The following NTN1 variants were observed in gnomAD, a reference collection of about 807,000 sequenced individuals.
NTN1 encodes netrin-1.
Under a neutral mutation model 54.2 loss-of-function variants are expected in NTN1, and 11 were observed. That is an observed-to-expected ratio of 0.20 (90% CI 0.13 to 0.34). The LOEUF (loss-of-function observed/expected upper bound fraction) is 0.34. NTN1 is among the 10% of genes least tolerant of loss of function. The probability of loss-of-function intolerance (pLI) is 1.00; values close to 1 mark genes in which losing one functional copy is unlikely to be tolerated. For missense variants in NTN1, 740 were observed against 893.1 expected, an observed-to-expected ratio of 0.83 and a Z score of 2.18; for synonymous variants, 371 against 382.0, an observed-to-expected ratio of 0.97 and a Z score of 0.33.
chr17:9,088,677 C>A (rs1361887741), intron 2 of NTN1, among the ~76,000 whole-genome samples: 1 of 152,122 alleles, frequency 6.6e-6, no homozygotes, highest in Non-Finnish European at 1.5e-5. Flanking sequence ...AGGATTTTTC[C>A]GCTTCAATTA....
chr17:9,094,069 T>A (rs946387936), intron 2 of NTN1, among the ~76,000 whole-genome samples: 1 of 152,234 alleles, frequency 6.6e-6, no homozygotes, highest in African/African-American at 2.4e-5. Flanking sequence ...CATTTTGTTA[T>A]ATACACTTCT....
intron 2 of NTN1, among the ~76,000 whole-genome samples, chr17:9,159,657 C>T (rs986683741): frequency 9.9e-5 from 15 of 151,842 alleles, no homozygotes; most frequent in South Asian, 4.2e-4. Context: ...AAAAATTAGC[C>T]GGGTGTGGTG....
At chr17:9,017,504 G>A (rs960051970), upstream of NTN1, among the ~76,000 whole-genome samples, 17 of 152,114 alleles carry the variant, frequency 1.1e-4, no homozygotes, top group South Asian at 4.1e-4. Context: ...TATAACACCC[G>A]AGTCCCCTGG....
At chr17:9,018,568 A>G (rs2091836619), upstream of NTN1, among the ~76,000 whole-genome samples, 1 of 145,632 alleles carries the variant, frequency 6.9e-6, no homozygotes, top group South Asian at 2.3e-4. Flanking sequence ...CGGGAGGCAG[A>G]GGTTGAGAAT....
At chr17:9,162,356 T>C (rs967636785) in intron 2 of NTN1, among the ~76,000 whole-genome samples, 1 of 152,194 alleles carries the variant, frequency 6.6e-6, no homozygotes, top group African/African-American at 2.4e-5. Context: ...GTTGGCAGGG[T>C]TGGTTGCTCT....
intron 2 of NTN1, 139 bp downstream of exon 2, chr17:9,023,530 G>T (rs904250402): frequency 1.8e-6 from 2 of 1,106,040 alleles, no homozygotes; most frequent in Non-Finnish European, 2.4e-6. Context: ...GGACCCGGGA[G>T]GGCTCAGAGC....
chr17:9,028,280 C>T (rs7212705), intron 2 of NTN1, among the ~76,000 whole-genome samples: 34,828 of 152,056 alleles, frequency 0.23, 4,640 homozygotes, highest in African/African-American at 0.37. Flanking sequence ...GGTGTGGTGC[C>T]GCTAGGTACA....
At position 9,239,694 on chromosome 17, in the gene NTN1, C is replaced by T. The variant is rs1349460578; in HGVS notation, c.1541C>T (p.Thr514Met). 3 of 1,613,108 alleles carry T rather than the reference C, an allele frequency of 1.9e-6. No individual in the cohort carries two copies. Among genetic ancestry groups the T allele is most frequent in the Non-Finnish European group, 2.5e-6 (3 of 1,179,558 alleles). The change falls in exon 7 of 7, where the codon ACG (threonine) becomes ATG (methionine). Residue 514 changes from threonine (T) to methionine (M), a missense_variant. Physicochemically the swap from Thr to Met is moderately conservative, Grantham distance 81 (BLOSUM62 -1). Transcript: ENST00000173229. The surrounding 1 kb of genome is among the most constrained non-coding windows in gnomAD (Gnocchi z 5.2). The stretch of plus-strand genomic sequence containing the variant: ...AAGGCGGGGGACTGGTGGAAGTTCA[C>T]GGTGAACATCATCTCCGTGTATAAG... ...ADKAGDWWKF[T>M]VNIISVYKQG...
chr17:9,054,280 G>A (rs1012780582), intron 2 of NTN1, among the ~76,000 whole-genome samples: 2 of 152,316 alleles, frequency 1.3e-5, no homozygotes, highest in East Asian at 1.9e-4. Context: ...TCCCCGAAGA[G>A]CCGAGATGTT....
intron 3 of NTN1, among the ~76,000 whole-genome samples, chr17:9,166,149 T>TCCACCACCACCACCACCACCA (rs60014697): frequency 9.0e-6 from 1 of 111,352 alleles, no homozygotes; most frequent in African/African-American, 3.6e-5. Context: ...TCAACCCCCT[T>TCCACCACCACCACCACCACCA]CCACCACCAC....
upstream of NTN1, among the ~76,000 whole-genome samples, chr17:9,018,434 C>T (rs548170062): frequency 4.6e-4 from 70 of 152,082 alleles, no homozygotes; most frequent in Middle Eastern, 0.01. Flanking sequence ...GAGTTTGAGA[C>T]CAGTCTGGCC....
intron 2 of NTN1, among the ~76,000 whole-genome samples, chr17:9,081,906 T>C (rs901763716): frequency 6.6e-6 from 1 of 152,240 alleles, no homozygotes. Context: ...GCCAACTTGC[T>C]GCAGGGCCAA....
intron 2 of NTN1, among the ~76,000 whole-genome samples, chr17:9,086,321 C>A (rs995858676): frequency 6.6e-6 from 1 of 152,142 alleles, no homozygotes; most frequent in African/African-American, 2.4e-5. Flanking sequence ...GTTTGGGTAA[C>A]ATAGTGAGAC....
At chr17:9,151,801 C>G (rs1188540430) in intron 2 of NTN1, among the ~76,000 whole-genome samples, 2 of 152,114 alleles carry the variant, frequency 1.3e-5, no homozygotes, top group Non-Finnish European at 2.9e-5. Context: ...AATTGTCTGT[C>G]TTACAAGAGG....
chr17:9,232,929 G>T (rs1263004703), intron 6 of NTN1, among the ~76,000 whole-genome samples: 1 of 152,132 alleles, frequency 6.6e-6, no homozygotes, highest in Admixed American at 6.5e-5. Flanking sequence ...TTCCACAGCG[G>T]GAGATTTATG....
chr17:9,087,974 A>G (rs1401186328), intron 2 of NTN1, among the ~76,000 whole-genome samples: 1 of 152,216 alleles, frequency 6.6e-6, no homozygotes, highest in African/African-American at 2.4e-5. Flanking sequence ...CAATTCGACC[A>G]GGAGGCTGAA....
At chr17:9,155,556 G>A (rs1044060700) in intron 2 of NTN1, among the ~76,000 whole-genome samples, 7 of 151,852 alleles carry the variant, frequency 4.6e-5, no homozygotes, top group Non-Finnish European at 7.4e-5. Context: ...GGTCAGGCTG[G>A]TTTCAAACTC....
At chr17:9,234,026 G>T (rs752622498) in intron 6 of NTN1, among the ~76,000 whole-genome samples, 1 of 152,194 alleles carries the variant, frequency 6.6e-6, no homozygotes. Context: ...ACTGCGGCAG[G>T]CTGCCCTTGT....
chr17:9,119,809 T>A (rs1336614948), intron 2 of NTN1, among the ~76,000 whole-genome samples: 7 of 152,196 alleles, frequency 4.6e-5, no homozygotes, highest in African/African-American at 1.7e-4. Flanking sequence ...GGCCTTTTTT[T>A]ATTTTAGCCG....
Sources: gnomAD v4.1 joint callset for allele counts (sites outside exome capture counted in the v4.1 genomes callset) on GRCh38, gnomAD v4.1.1 for gene constraint, Gnocchi (gnomAD v3.1) non-coding constraint, MANE v1.5 for transcripts, NCBI Gene and HGNC (gene_info 2026-07-23, HGNC 2026-07-21) for gene names.